The following GFRAL variants were observed in gnomAD, a reference collection of about 807,000 sequenced individuals.
GFRAL encodes the protein GDNF family receptor alpha-like.
GFRAL carries 36 observed loss-of-function variants against 45.4 expected under a neutral mutation model. The ratio of observed to expected loss-of-function variants is 0.79; its 90% CI spans 0.61 to 1.05. The LOEUF (loss-of-function observed/expected upper bound fraction) is 1.05. Ranked by LOEUF, GFRAL falls within the 50% of genes least tolerant of loss-of-function variation. The pLI, the probability that GFRAL is intolerant of heterozygous loss-of-function variation, is 0.00. For missense variants in GFRAL, 507 were observed against 467.5 expected (o/e 1.08, Z -0.78); for synonymous variants, 166 against 154.1 (o/e 1.08, Z -0.57).
At chr6:55,359,502 G>A (rs1384448378) in intron 6 of GFRAL, among the ~76,000 whole-genome samples, 1 of 151,872 alleles carries the variant, frequency 6.6e-6, no homozygotes, top group Non-Finnish European at 1.5e-5. Context: ...GGCTTAAAAC[G>A]ATAACCATTT....
chr6:55,388,155 ACT>A (rs1768703416), intron 6 of GFRAL, among the ~76,000 whole-genome samples: 1 of 152,176 alleles, frequency 6.6e-6, no homozygotes, highest in African/African-American at 2.4e-5. Context: ...TAACTCTGGG[ACT>A]GATGTTCTAC....
intron 4 of GFRAL, among the ~76,000 whole-genome samples, chr6:55,350,461 T>G (rs7763841): frequency 0.48 from 73,025 of 151,790 alleles, 18,794 homozygotes; most frequent in Non-Finnish European, 0.59. Flanking sequence ...GATCATTTGA[T>G]CCCAGGAGTT....
intron 6 of GFRAL, among the ~76,000 whole-genome samples, chr6:55,383,046 T>G (rs1172457415): frequency 6.6e-6 from 1 of 151,960 alleles, no homozygotes; most frequent in Non-Finnish European, 1.5e-5. Flanking sequence ...TTCTTAAGTA[T>G]GGTGTTATCT....
chr6:55,394,050 A>T (rs1768790312), intron 6 of GFRAL, among the ~76,000 whole-genome samples: 1 of 152,132 alleles, frequency 6.6e-6, no homozygotes, highest in African/African-American at 2.4e-5. Flanking sequence ...AACAAGACAA[A>T]CTGGCTAATG....
chr6:55,400,312 A>G (rs1375828627), intron 8 of GFRAL, among the ~76,000 whole-genome samples: 1 of 152,150 alleles, frequency 6.6e-6, no homozygotes, highest in Non-Finnish European at 1.5e-5. Flanking sequence ...CACAAATTAT[A>G]TCAGTAAGAT....
intron 6 of GFRAL, among the ~76,000 whole-genome samples, chr6:55,379,291 C>A (rs1402872450): frequency 6.6e-6 from 1 of 151,690 alleles, no homozygotes; most frequent in Non-Finnish European, 1.5e-5. Context: ...CAAGAGTTAT[C>A]TTTTCTGCTC....
rs1191263190 is a variant in GFRAL at position 55,333,799 on chromosome 6, C to CT, written c.172dup (p.Cys58LeufsTer10). The stretch of plus-strand genomic sequence containing the variant: ...TTTGATTGTGAGATCCAGGTGACCC[C>CT]TGCAAGATGAGGAATTCATCATACT... On this transcript the variant is annotated frameshift_variant, in exon 3 of 9. Coordinates refer to ENST00000340465, the MANE Select transcript of GFRAL (RefSeq NM_207410.2). LOFTEE classifies it high-confidence loss of function. 2 of 1,595,550 alleles carry CT rather than the reference C, an allele frequency of 1.3e-6. No individual in the cohort carries two copies. The highest frequency in any genetic ancestry group is 1.4e-5 in the African/African-American group (1 of 74,024).
chr6:55,379,582 C>T (rs1324817794), intron 6 of GFRAL, among the ~76,000 whole-genome samples: 1 of 115,794 alleles, frequency 8.6e-6, no homozygotes, highest in Non-Finnish European at 2.0e-5. Context: ...AATACACACA[C>T]ACACACACAC....
At chr6:55,392,424 G>T (rs1359288444) in intron 6 of GFRAL, among the ~76,000 whole-genome samples, 1 of 152,154 alleles carries the variant, frequency 6.6e-6, no homozygotes, top group African/African-American at 2.4e-5. Flanking sequence ...TTGTTATGTG[G>T]ACATTTACAG....
chr6:55,370,313 A>G (rs189636572), intron 6 of GFRAL, among the ~76,000 whole-genome samples: 1 of 151,964 alleles, frequency 6.6e-6, no homozygotes, highest in East Asian at 1.9e-4. Flanking sequence ...TTCCCTTTCT[A>G]ATTTTGCCAC....
intron 6 of GFRAL, among the ~76,000 whole-genome samples, chr6:55,397,110 C>A (rs1768835494): frequency 6.6e-6 from 1 of 152,150 alleles, no homozygotes; most frequent in Admixed American, 6.5e-5. Flanking sequence ...CTCCTGGGCT[C>A]AAGTGATCTT....
intron 6 of GFRAL, among the ~76,000 whole-genome samples, chr6:55,380,690 C>A (rs1262153420): frequency 6.6e-6 from 1 of 151,938 alleles, no homozygotes; most frequent in Non-Finnish European, 1.5e-5. Flanking sequence ...TAATACCATG[C>A]AGCTCCCAAG....
In GFRAL at chr6:55,390,265, T is replaced by C. The variant is rs541007585; in HGVS notation, c.953-8915T>C. Among the ~76,000 whole-genome samples the C allele has an allele frequency of 3.9e-4, 60 of 152,332 alleles. No individual in the cohort carries two copies. The South Asian group carries it at 7.0e-3, about 18-fold the overall frequency. On this transcript the variant is annotated intron_variant, in intron 6 of 8. Transcript: ENST00000340465. The stretch of plus-strand genomic sequence containing the variant: ...ATCTGTCAAAAATTTTCATTAGTGG[T>C]ATATTATAACCCCCCTGAATTAGCT...
intron 3 of GFRAL, among the ~76,000 whole-genome samples, chr6:55,344,057 C>CAA (rs555106250): frequency 0.013 from 1,970 of 150,630 alleles, 23 homozygotes; most frequent in Non-Finnish European, 0.022. Context: ...GCCTACCAAC[C>CAA]AAAAAAAAAG....
intron 6 of GFRAL, among the ~76,000 whole-genome samples, chr6:55,371,305 T>C (rs576404728): frequency 6.6e-6 from 1 of 152,234 alleles, no homozygotes; most frequent in South Asian, 2.1e-4. Flanking sequence ...TAAATTCATG[T>C]GTAGCAAAGT....
chr6:55,350,075 C>A lies in GFRAL; in HGVS notation c.317-17C>A, dbSNP rs752151234. The A allele has an allele frequency of 1.4e-6, 2 of 1,426,084 alleles. No individual in the cohort carries two copies. The highest frequency in any genetic ancestry group is 2.3e-5 in the South Asian group (2 of 85,838). The allele number at this position is 1,426,084 out of a possible 1,614,324, so 88.3% of individuals were successfully genotyped here. A position where few individuals can be genotyped will look rare whatever the true frequency, so the allele number is the denominator to read the frequency against. ...AAATTGTTCAATAATGAAATAATTT[C>A]TTTGTTTTCCTTCTAGATAACGTGA... On this transcript the variant is annotated splice_polypyrimidine_tract_variant and intron_variant, in intron 3 of 8. Transcript: ENST00000340465.
intron 6 of GFRAL, among the ~76,000 whole-genome samples, chr6:55,370,040 T>G (rs1183236737): frequency 6.6e-6 from 1 of 152,316 alleles, no homozygotes; most frequent in Middle Eastern, 3.4e-3. Flanking sequence ...AAGAGCAAAG[T>G]TTTAAAATCA....
chr6:55,339,331 A>AT (rs1315150860), intron 3 of GFRAL, among the ~76,000 whole-genome samples: 8 of 152,010 alleles, frequency 5.3e-5, no homozygotes, highest in Admixed American at 1.3e-4. Flanking sequence ...GAATGTTGGT[A>AT]TTTTTTTTCT....
At chr6:55,359,889 A>G (rs1039660008) in intron 6 of GFRAL, among the ~76,000 whole-genome samples, 3 of 151,964 alleles carry the variant, frequency 2.0e-5, no homozygotes, top group African/African-American at 7.2e-5. Flanking sequence ...TCAAGGTCAG[A>G]TTAATCAAGG....
Sources: gnomAD v4.1 joint callset for allele counts (sites outside exome capture counted in the v4.1 genomes callset) on GRCh38, gnomAD v4.1.1 for gene constraint, MANE v1.5 for transcripts, NCBI Gene and HGNC (gene_info 2026-07-23, HGNC 2026-07-21) for gene names.